DCHS2: variants seen among roughly 807,000 people sequenced by gnomAD.
The protein encoded by DCHS2 is dachsous cadherin-related 2.
A neutral mutation model predicts 182.4 loss-of-function variants in DCHS2; 142 were observed. That is an observed-to-expected ratio of 0.78 (90% CI 0.68 to 0.89). The LOEUF (loss-of-function observed/expected upper bound fraction) is 0.89. Ranked by LOEUF, DCHS2 falls within the 40% of genes least tolerant of loss-of-function variation. DCHS2 has a pLI of 0.00. For missense variants in DCHS2, 4,319 were observed against 4,198.6 expected (o/e 1.03, Z -0.79); for synonymous variants, 1,740 against 1,663.3 (o/e 1.05, Z -1.12).
intron 13 of DCHS2, among the ~76,000 whole-genome samples, chr4:154,271,103 C>T (rs1561001018): frequency 6.6e-6 from 1 of 152,010 alleles, no homozygotes; most frequent in Admixed American, 6.6e-5. Context: ...CTGATAGAGG[C>T]AAGAAGACAA....
intron 12 of DCHS2, among the ~76,000 whole-genome samples, chr4:154,300,843 T>C (rs1330391094): frequency 2.6e-5 from 4 of 151,946 alleles, no homozygotes; most frequent in African/African-American, 7.3e-5. Context: ...GGAGAAAAAA[T>C]AAGTTATGGA....
intron 1 of DCHS2, among the ~76,000 whole-genome samples, chr4:154,428,872 C>T (rs6850920): frequency 0.8 from 121,397 of 151,874 alleles, 52,141 homozygotes; most frequent in Non-Finnish European, 0.95. Context: ...CACTGCACTT[C>T]AGCCTGGGCC....
intron 1 of DCHS2, among the ~76,000 whole-genome samples, chr4:154,436,341 T>A (rs1226065482): frequency 6.6e-6 from 1 of 152,252 alleles, no homozygotes; most frequent in African/African-American, 2.4e-5. Context: ...CTATACTATA[T>A]GTTGTAAGTA....
In DCHS2 at chr4:154,235,153, C is replaced by T. The variant is rs781493961; in HGVS notation, c.9499G>A (p.Gly3167Arg). Residue 3167 changes from glycine to arginine, a missense_variant, in exon 20 of 20, where the codon GGA becomes AGA. Coordinates refer to ENST00000357232, the MANE Select transcript of DCHS2 (RefSeq NM_001358235.2). ...GTGCTGCAGCCTTCCCCTTGATCTC[C>T]TTCCCCAAATGTTTGGCTGGCTTCT... is the stretch of plus-strand genomic sequence containing the variant. ...TAEASQTFGE[G>R]DQGEGCSTTC... The T allele has an allele frequency of 2.5e-6, 4 of 1,614,024 alleles. No homozygotes were observed. In the South Asian group the frequency reaches 3.3e-5, roughly 13 times the overall value.
At chr4:154,466,667 T>C (rs1735253259) in intron 1 of DCHS2, among the ~76,000 whole-genome samples, 1 of 152,230 alleles carries the variant, frequency 6.6e-6, no homozygotes, top group South Asian at 2.1e-4. Flanking sequence ...TAGATTAGAA[T>C]GATAGCTCTA....
chr4:154,372,689 G>A (rs1358989399), intron 2 of DCHS2, among the ~76,000 whole-genome samples: 2 of 152,128 alleles, frequency 1.3e-5, no homozygotes, highest in African/African-American at 4.8e-5. Context: ...GCTTTCTTGT[G>A]AAAAACCACT....
At chr4:154,436,831 A>G (rs1319842935) in intron 1 of DCHS2, among the ~76,000 whole-genome samples, 3 of 152,248 alleles carry the variant, frequency 2.0e-5, no homozygotes, top group Non-Finnish European at 4.4e-5. Flanking sequence ...AGTATAAAAT[A>G]CACAGGGGAT....
At chr4:154,470,655 A>G (rs1366259854) in intron 1 of DCHS2, among the ~76,000 whole-genome samples, 2 of 152,212 alleles carry the variant, frequency 1.3e-5, no homozygotes, top group Non-Finnish European at 2.9e-5. Context: ...TATGTCACTC[A>G]TCTCATAAGC....
intron 2 of DCHS2, among the ~76,000 whole-genome samples, chr4:154,376,347 A>T (rs1730891900): frequency 6.6e-6 from 1 of 152,190 alleles, no homozygotes; most frequent in African/African-American, 2.4e-5. Flanking sequence ...AGGGTCAGCA[A>T]TGTATTGAAA....
At chr4:154,295,384 T>C (rs915896106) in intron 13 of DCHS2, among the ~76,000 whole-genome samples, 1 of 152,170 alleles carries the variant, frequency 6.6e-6, no homozygotes, top group Non-Finnish European at 1.5e-5. Context: ...AATAACAAAA[T>C]AGCAATGACA....
chr4:154,239,182 C>A lies in DCHS2; in HGVS notation c.7480G>T (p.Asp2494Tyr), dbSNP rs770131623. ...ATAAATAACTCACCATTCTTAGGAT[C>A]AATGGAGAATTCCTTAGAAGAGGAT... Reference protein sequence around the residue: ...ILSSSKEFSIDPKNGTIFTIS... With the variant: ...ILSSSKEFSIYPKNGTIFTIS... Residue 2494 changes from aspartate to tyrosine, a missense_variant, in exon 19 of 20, where the codon GAT (aspartate) becomes TAT (tyrosine). Physicochemically the swap from Asp to Tyr is radical, Grantham distance 160 (BLOSUM62 -3). Coordinates refer to ENST00000357232, the MANE Select transcript of DCHS2 (RefSeq NM_001358235.2). 36 of 1,611,926 alleles carry A rather than the reference C, an allele frequency of 2.2e-5. No homozygotes were observed. Among genetic ancestry groups the A allele is most frequent in the Middle Eastern group, 1.6e-4 (1 of 6,064 alleles).
chr4:154,346,258 A>G lies in DCHS2; in HGVS notation c.2477-11154T>C, dbSNP rs72966185. 5.8e-3 allele frequency among the ~76,000 whole-genome samples: 882 copies of G among 152,316 alleles called. 8 individuals are homozygous for G. Among genetic ancestry groups the G allele is most frequent in the African/African-American group, 0.02 (834 of 41,566 alleles). On this transcript the variant is annotated intron_variant, in intron 3 of 19. Coordinates refer to ENST00000357232, the MANE Select transcript of DCHS2 (RefSeq NM_001358235.2). ...TGTCAGAACTCCAGATCAAATATTT[A>G]CATTATTATACATCTGTAACCATTT...
At chr4:154,265,052 A>C (rs1733175049) in intron 14 of DCHS2, among the ~76,000 whole-genome samples, 1 of 152,220 alleles carries the variant, frequency 6.6e-6, no homozygotes, top group Non-Finnish European at 1.5e-5. Flanking sequence ...AATAAGAAAA[A>C]TAACTATATA....
chr4:154,344,371 T>C (rs1433684284), intron 3 of DCHS2, among the ~76,000 whole-genome samples: 2 of 152,168 alleles, frequency 1.3e-5, no homozygotes, highest in Non-Finnish European at 2.9e-5. Flanking sequence ...GTGGGGTATG[T>C]CTGTATAAAT....
chr4:154,469,806 A>G (rs1302066530), intron 1 of DCHS2, among the ~76,000 whole-genome samples: 1 of 152,200 alleles, frequency 6.6e-6, no homozygotes, highest in Non-Finnish European at 1.5e-5. Flanking sequence ...CTTATCATTC[A>G]GTTCTCAACT....
At chr4:154,404,519 C>T (rs1372216451) in intron 1 of DCHS2, among the ~76,000 whole-genome samples, 6 of 152,148 alleles carry the variant, frequency 3.9e-5, no homozygotes, top group Non-Finnish European at 2.9e-5. Context: ...TCTGTAAATG[C>T]CAACTGTGTT....
intron 1 of DCHS2, among the ~76,000 whole-genome samples, chr4:154,480,813 G>C (rs1735890724): frequency 6.6e-6 from 1 of 152,126 alleles, no homozygotes; most frequent in Admixed American, 6.5e-5. Context: ...TCTTGAAATA[G>C]AGATAGGGTT....
At position 154,384,438 on chromosome 4, in the gene DCHS2, TC is replaced by T. The variant is rs747530864; in HGVS notation, c.2053-6995del. ...CACTATAGCACCCCAGAGCTCAGTC[TC>T]GGGACTACCTCTTTTCAATCCACAC... On this transcript the variant is annotated intron_variant, in intron 1 of 19. Transcript: ENST00000357232. 9 of 1,610,404 alleles carry T rather than the reference TC, an allele frequency of 5.6e-6. No homozygotes were observed. In the South Asian group the frequency reaches 9.9e-5, roughly 18 times the overall value.
Position 154,233,231 on chromosome 4 carries a change from G to T in DCHS2, c.*1305C>A, listed in dbSNP as rs536988971. ...GGAAGAGGACTTCTGAACCACCATC[G>T]TCAGGATGCTGTCCACCTTCCTGAA... On this transcript the variant is annotated 3_prime_UTR_variant, in exon 20 of 20. Coordinates refer to ENST00000357232, the MANE Select transcript of DCHS2 (RefSeq NM_001358235.2). The T allele has an allele frequency of 6.6e-6, 1 of 152,210 alleles. No individual in the cohort carries two copies. The highest frequency in any genetic ancestry group is 2.1e-4 in the South Asian group (1 of 4,826). 9.4% of individuals were successfully genotyped at this position (152,210 alleles called of 1,614,324 possible).
Sources: gnomAD v4.1 joint callset for allele counts (sites outside exome capture counted in the v4.1 genomes callset) on GRCh38, gnomAD v4.1.1 for gene constraint, MANE v1.5 for transcripts, NCBI Gene and HGNC (gene_info 2026-07-23, HGNC 2026-07-21) for gene names.